PCDHA2: variants seen among roughly 807,000 people sequenced by gnomAD.
The protein encoded by PCDHA2 is protocadherin alpha-2.
A neutral mutation model predicts 66.0 loss-of-function variants in PCDHA2; 58 were observed. That is an observed-to-expected ratio of 0.88 (90% CI 0.71 to 1.09). The LOEUF (loss-of-function observed/expected upper bound fraction) is 1.09. Ranked by LOEUF, PCDHA2 falls within the 50% of genes least tolerant of loss-of-function variation. The pLI is 0.00. For synonymous variants in PCDHA2, 634 were observed against 554.0 expected, an observed-to-expected ratio of 1.14 and a Z score of -2.03; for missense variants, 1,267 against 1,242.3, an observed-to-expected ratio of 1.02 and a Z score of -0.30.
intron 1 of PCDHA2, among the ~76,000 whole-genome samples, chr5:140,960,717 T>G (rs367185): frequency 9.9e-5 from 3 of 30,264 alleles, no homozygotes; most frequent in African/African-American, 2.5e-4. Flanking sequence ...ATACTCATCT[T>G]ATTTTAGTCC....
At chr5:140,933,592 G>T (rs1034374854) in intron 1 of PCDHA2, among the ~76,000 whole-genome samples, 2 of 151,986 alleles carry the variant, frequency 1.3e-5, no homozygotes, top group Non-Finnish European at 2.9e-5. Context: ...TTTTTAGGTT[G>T]ATTTGTCTTT....
chr5:140,835,925 C>T lies in PCDHA2; in HGVS notation c.2388+38573C>T, dbSNP rs2150248432. On this transcript the variant is annotated intron_variant, in intron 1 of 3. Transcript: ENST00000526136. ...GCTACGTGTCAGTGCACGCGGAGAG[C>T]GGCAAGGTGTACGCGCTGCAGCCGT... 5 of 1,612,352 alleles carry T rather than the reference C, an allele frequency of 3.1e-6. No individual in the cohort carries two copies. The South Asian group carries it at 5.5e-5, about 18-fold the overall frequency.
chr5:140,808,537 C>T (rs1277365179), intron 1 of PCDHA2: 1 of 1,614,052 alleles, frequency 6.2e-7, no homozygotes, highest in African/African-American at 1.3e-5. Context: ...ATGTGAACGA[C>T]AACGCTCCGG....
intron 1 of PCDHA2, among the ~76,000 whole-genome samples, chr5:140,905,939 T>A (rs1583575409): frequency 6.6e-6 from 1 of 152,288 alleles, no homozygotes; most frequent in African/African-American, 2.4e-5. Context: ...GCTGAAGAAC[T>A]TGGAATCCGA....
Position 141,009,626 on chromosome 5 carries a change from G to C in PCDHA2, c.2537-1G>C, listed in dbSNP as rs782621388. The C allele has an allele frequency of 1.9e-6, 3 of 1,612,816 alleles. No individual in the cohort carries two copies. Among genetic ancestry groups the C allele is most frequent in the Non-Finnish European group, 2.5e-6 (3 of 1,179,228 alleles). On this transcript the variant is annotated splice_acceptor_variant, in intron 3 of 3. Transcript: ENST00000526136. LOFTEE classifies it high-confidence loss of function. ...ATGATTTGTAATGTTTTGTCTTTCA[G>C]AACCAGAGGCAGGAGAAGTGTCCCC...
At chr5:140,917,598 G>A (rs2078274580) in intron 1 of PCDHA2, among the ~76,000 whole-genome samples, 1 of 152,174 alleles carries the variant, frequency 6.6e-6, no homozygotes, top group Non-Finnish European at 1.5e-5. Flanking sequence ...TGAAAGGAAG[G>A]GGTCCAGTTT....
chr5:140,796,747 C>T lies in PCDHA2; in HGVS notation c.1783C>T (p.Arg595Cys), dbSNP rs371053543. 15 of 1,614,016 alleles carry T rather than the reference C, an allele frequency of 9.3e-6. No homozygotes were observed. Among genetic ancestry groups the T allele is most frequent in the African/African-American group, 5.3e-5 (4 of 74,940 alleles). The part of the protein sequence containing the change: ...VGAGHVVAKV[R>C]AVDADSGYNA... The stretch of plus-strand genomic sequence containing the variant: ...TGCAGGGCACGTGGTGGCGAAGGTG[C>T]GCGCAGTGGACGCTGACTCAGGCTA... The change falls in exon 1 of 4, where the codon CGC (arginine) becomes TGC (cysteine). Residue 595 changes from arginine (R) to cysteine (C), a missense_variant. Arg to Cys is a radical substitution (Grantham distance 180, BLOSUM62 -3). Transcript: ENST00000526136.
intron 1 of PCDHA2, chr5:140,805,547 G>A (rs1030163): frequency 0.54 from 531,127 of 979,832 alleles, 145,002 homozygotes; most frequent in African/African-American, 0.7. Flanking sequence ...TAACTTTATG[G>A]ATATAGGAGG....
chr5:140,803,171 A>G, intron 1 of PCDHA2: 2 of 1,613,864 alleles, frequency 1.2e-6, no homozygotes, highest in Non-Finnish European at 1.7e-6. Context: ...GTGAACCCTC[A>G]TTGACCGCCA....
At chr5:140,992,708 C>T (rs2097525816) in intron 3 of PCDHA2, among the ~76,000 whole-genome samples, 1 of 152,100 alleles carries the variant, frequency 6.6e-6, no homozygotes, top group African/African-American at 2.4e-5. Context: ...ATGTTCCTGC[C>T]AGTATTCGTA....
At chr5:140,809,791 T>C in intron 1 of PCDHA2, 1 of 468,178 alleles carries the variant, frequency 2.1e-6, no homozygotes, top group Non-Finnish European at 3.7e-6. Context: ...TTAACAGAAC[T>C]GTAATTTCTA....
At chr5:140,861,600 A>G (rs782505060) in intron 1 of PCDHA2, 3 of 371,010 alleles carry the variant, frequency 8.1e-6, no homozygotes, top group Non-Finnish European at 1.6e-5. Context: ...GAAAGTGAAG[A>G]ACAATAAAGA....
chr5:140,813,485 AC>A (rs1554126209), intron 1 of PCDHA2: 1 of 152,206 alleles, frequency 6.6e-6, no homozygotes, highest in Non-Finnish European at 1.5e-5. Context: ...ATATATCTAA[AC>A]ATCTAAAAGG....
chr5:140,881,218 T>G (rs997488208), intron 1 of PCDHA2: 10 of 230,756 alleles, frequency 4.3e-5, no homozygotes, highest in Non-Finnish European at 6.4e-5. Flanking sequence ...TGTTGTTTCT[T>G]GGAAAATTAA....
At chr5:140,887,461 T>C (rs2061460929) in intron 1 of PCDHA2, among the ~76,000 whole-genome samples, 1 of 152,226 alleles carries the variant, frequency 6.6e-6, no homozygotes, top group African/African-American at 2.4e-5. Flanking sequence ...TTTTAAAAGA[T>C]ATAATTCAGT....
Position 140,823,178 on chromosome 5 carries a change from C to T in PCDHA2, c.2388+25826C>T, listed in dbSNP as rs2150123188. On this transcript the variant is annotated intron_variant, in intron 1 of 3. Transcript: ENST00000526136. ...ACCGTGTTCGTGAAGGAGAACAACC[C>T]GCCAGGCTGCCACATCTTCACGGTG... 4.3e-6 allele frequency: 7 copies of T among 1,613,746 alleles called. No homozygotes were observed. The East Asian group carries it at 8.9e-5, about 21-fold the overall frequency.
intron 1 of PCDHA2, chr5:140,967,799 A>G: frequency 1.2e-6 from 2 of 1,614,190 alleles, no homozygotes; most frequent in Non-Finnish European, 1.7e-6. Context: ...TCCAGTGCCC[A>G]TGGCAGGTCA....
At chr5:140,881,074 A>G (rs1416572917) in intron 1 of PCDHA2, among the ~76,000 whole-genome samples, 1 of 152,200 alleles carries the variant, frequency 6.6e-6, no homozygotes, top group African/African-American at 2.4e-5. Context: ...TAATTATTGG[A>G]GCTATGATAT....
At chr5:140,901,405 G>A (rs1366026091) in intron 1 of PCDHA2, among the ~76,000 whole-genome samples, 1 of 152,128 alleles carries the variant, frequency 6.6e-6, no homozygotes, top group Non-Finnish European at 1.5e-5. Flanking sequence ...TGAGAGATAG[G>A]GGTCTAGTTT....
Sources: allele counts gnomAD v4.1 joint callset (sites outside exome capture counted in the v4.1 genomes callset), GRCh38; gene constraint gnomAD v4.1.1; transcripts MANE v1.5; gene names NCBI Gene and HGNC (gene_info 2026-07-23, HGNC 2026-07-21).